The following GPC5 variants were observed in gnomAD, a reference collection of about 807,000 sequenced individuals.
The protein encoded by GPC5 is glypican 5.
A neutral mutation model predicts 53.9 loss-of-function variants in GPC5; 47 were observed. The ratio of observed to expected loss-of-function variants is 0.87; its 90% CI spans 0.69 to 1.11. The LOEUF is 1.11. Among genes scored for constraint, GPC5 ranks in the 50% most tolerant of loss-of-function variants. GPC5 has a pLI of 0.00. For synonymous variants in GPC5, 286 were observed against 263.3 expected, an observed-to-expected ratio of 1.09 and a Z score of -0.84; for missense variants, 748 against 713.1, an observed-to-expected ratio of 1.05 and a Z score of -0.56.
At chr13:92,826,612 T>A (rs1877855697) in intron 7 of GPC5, among the ~76,000 whole-genome samples, 1 of 152,148 alleles carries the variant, frequency 6.6e-6, no homozygotes, top group Non-Finnish European at 1.5e-5. Flanking sequence ...TGTTTGAGAA[T>A]CTCCTTAAAA....
At chr13:91,874,877 T>A (rs1347879346) in intron 5 of GPC5, among the ~76,000 whole-genome samples, 1 of 152,176 alleles carries the variant, frequency 6.6e-6, no homozygotes, top group Admixed American at 6.5e-5. Context: ...CATTTTGTGC[T>A]AATTTTCCAT....
At chr13:92,250,376 A>G (rs2042684038) in intron 7 of GPC5, among the ~76,000 whole-genome samples, 1 of 152,160 alleles carries the variant, frequency 6.6e-6, no homozygotes, top group Non-Finnish European at 1.5e-5. Context: ...ACCTGTAATG[A>G]AAACTTATAA....
chr13:92,696,562 A>T (rs1046114443), intron 7 of GPC5, among the ~76,000 whole-genome samples: 1 of 151,884 alleles, frequency 6.6e-6, no homozygotes, highest in South Asian at 2.1e-4. Flanking sequence ...TTTTCTTGTA[A>T]ATTTGTGTAA....
intron 6 of GPC5, among the ~76,000 whole-genome samples, chr13:92,126,731 A>G (rs956626576): frequency 6.6e-6 from 1 of 152,148 alleles, no homozygotes; most frequent in Non-Finnish European, 1.5e-5. Flanking sequence ...ATTTGAGTAG[A>G]GAGAAAAAAA....
chr13:91,947,988 A>G (rs569018750), intron 6 of GPC5, among the ~76,000 whole-genome samples: 36 of 152,114 alleles, frequency 2.4e-4, no homozygotes, highest in African/African-American at 8.7e-4. Context: ...TTTTAATACT[A>G]AAGGGTTCTT....
At chr13:92,591,724 C>T (rs186873749) in intron 7 of GPC5, among the ~76,000 whole-genome samples, 4 of 152,162 alleles carry the variant, frequency 2.6e-5, no homozygotes, top group East Asian at 3.9e-4. Context: ...ATATATCCTT[C>T]GACCAACCTT....
At chr13:92,465,677 CT>C (rs201607840) in intron 7 of GPC5, among the ~76,000 whole-genome samples, 15 of 151,020 alleles carry the variant, frequency 9.9e-5, no homozygotes, top group African/African-American at 2.2e-4. Flanking sequence ...CATTCTTTGT[CT>C]TTTTTTTTCT....
intron 7 of GPC5, among the ~76,000 whole-genome samples, chr13:92,620,425 G>A (rs117394110): frequency 6.6e-6 from 1 of 152,252 alleles, no homozygotes; most frequent in South Asian, 2.1e-4. Flanking sequence ...AGTTCTCCAG[G>A]AAGGAGACCT....
intron 7 of GPC5, among the ~76,000 whole-genome samples, chr13:92,326,666 T>C (rs2043253605): frequency 6.6e-6 from 1 of 152,180 alleles, no homozygotes; most frequent in Non-Finnish European, 1.5e-5. Context: ...ACTGGTCTAG[T>C]TCTTCAAAGA....
At chr13:92,813,743 G>A (rs533594432) in intron 7 of GPC5, among the ~76,000 whole-genome samples, 11 of 152,056 alleles carry the variant, frequency 7.2e-5, no homozygotes, top group African/African-American at 2.7e-4. Flanking sequence ...AGTAAACAAA[G>A]AAGACCTAAA....
At chr13:92,821,271 T>G (rs1877663169) in intron 7 of GPC5, among the ~76,000 whole-genome samples, 1 of 152,216 alleles carries the variant, frequency 6.6e-6, no homozygotes. Flanking sequence ...TGTTAAAGAT[T>G]TCTAGGACTT....
chr13:92,740,800 G>A (rs1034605492), intron 7 of GPC5, among the ~76,000 whole-genome samples: 1 of 151,116 alleles, frequency 6.6e-6, no homozygotes, highest in Non-Finnish European at 1.5e-5. Context: ...GCAAGGGGTA[G>A]GATGATTAGG....
chr13:92,640,351 C>G (rs1482395516), intron 7 of GPC5, among the ~76,000 whole-genome samples: 2 of 152,182 alleles, frequency 1.3e-5, no homozygotes, highest in Admixed American at 6.5e-5. Flanking sequence ...GCTCCACCTC[C>G]CGGGTTCACG....
intron 7 of GPC5, among the ~76,000 whole-genome samples, chr13:92,861,519 G>GT (rs1879182713): frequency 6.6e-6 from 1 of 151,906 alleles, no homozygotes; most frequent in South Asian, 2.1e-4. Context: ...TCTTATTATT[G>GT]TAAATATCCA....
intron 2 of GPC5, among the ~76,000 whole-genome samples, chr13:91,548,190 A>T (rs2030409055): frequency 6.6e-6 from 1 of 152,198 alleles, no homozygotes; most frequent in African/African-American, 2.4e-5. Context: ...TTTGCAAGTG[A>T]TATGATCATC....
chr13:91,464,239 C>T (rs1392648401), intron 2 of GPC5, among the ~76,000 whole-genome samples: 3 of 151,920 alleles, frequency 2.0e-5, no homozygotes, highest in Non-Finnish European at 2.9e-5. Context: ...CAATTGTTGA[C>T]AAGGATGTAG....
At chr13:91,801,875 G>C (rs2038141426) in intron 5 of GPC5, among the ~76,000 whole-genome samples, 1 of 152,160 alleles carries the variant, frequency 6.6e-6, no homozygotes, top group South Asian at 2.1e-4. Flanking sequence ...CAGTGCCACA[G>C]GGAGGTGACA....
intron 6 of GPC5, among the ~76,000 whole-genome samples, chr13:92,115,005 C>T (rs1330114091): frequency 2.0e-5 from 3 of 152,126 alleles, no homozygotes; most frequent in Non-Finnish European, 4.4e-5. Flanking sequence ...ATTTCTATTA[C>T]TTGCTAAAGT....
chr13:92,522,800 G>A (rs1881116464), intron 7 of GPC5, among the ~76,000 whole-genome samples: 1 of 151,806 alleles, frequency 6.6e-6, no homozygotes, highest in East Asian at 1.9e-4. Context: ...GAAAATAGAT[G>A]TTTCTAACAC....
Sources: gnomAD v4.1 joint callset for allele counts (sites outside exome capture counted in the v4.1 genomes callset) on GRCh38, gnomAD v4.1.1 for gene constraint, MANE v1.5 for transcripts, NCBI Gene and HGNC (gene_info 2026-07-23, HGNC 2026-07-21) for gene names.